The following GAN variants were observed in gnomAD, a reference collection of about 807,000 sequenced individuals.
The protein encoded by GAN is gigaxonin.
Under a neutral mutation model 71.3 loss-of-function variants are expected in GAN, and 48 were observed. The observed-to-expected ratio is 0.67, with a 90% CI of 0.53 to 0.86. The LOEUF (loss-of-function observed/expected upper bound fraction) is 0.86, where lower values mean the gene tolerates loss of function less well. Among genes scored for constraint, GAN ranks in the 40% least tolerant of loss-of-function variants. The pLI is 0.00. For synonymous variants in GAN, 386 were observed against 276.8 expected (o/e 1.39, Z -3.92); for missense variants, 928 against 770.1 (o/e 1.21, Z -2.43).
Position 81,354,735 on chromosome 16 carries a change from C to G in GAN, c.613C>G (p.His205Asp), listed in dbSNP as rs1326113785. The change falls in exon 3 of 11, where the codon CAT (histidine) becomes GAT (aspartate). Residue 205 changes from histidine to aspartate, a missense_variant. Physicochemically the swap from His to Asp is moderately conservative, Grantham distance 81. Transcript: ENST00000648994. ...TGAAGCAGTAATTCGATGGATAGCA[C>G]ATGATACAGAAATAAGAAAGGTACC... ...VFEAVIRWIAHDTEIRKVHMK... is the reference protein window; with the variant it reads ...VFEAVIRWIADDTEIRKVHMK... 8 of 1,592,022 alleles carry G rather than the reference C, an allele frequency of 5.0e-6. No homozygotes were observed. The highest frequency in any genetic ancestry group is 6.9e-6 in the Non-Finnish European group (8 of 1,159,956).
At chr16:81,376,530 T>A (rs1416364180) in intron 9 of GAN, among the ~76,000 whole-genome samples, 1 of 150,624 alleles carries the variant, frequency 6.6e-6, no homozygotes, top group African/African-American at 2.5e-5. Context: ...TGTATACATA[T>A]ATGTGTATAT....
chr16:81,357,665 C>A (rs1910535947), intron 4 of GAN, 145 bp from the exon 5 acceptor site: 5 of 746,652 alleles, frequency 6.7e-6, no homozygotes, highest in Admixed American at 1.9e-5. Context: ...AGTTCTAGAT[C>A]CCTGAGGAAT....
chr16:81,337,945 G>T (rs970799749), intron 1 of GAN, among the ~76,000 whole-genome samples: 3 of 151,872 alleles, frequency 2.0e-5, no homozygotes, highest in Admixed American at 1.3e-4. Context: ...GACTCACTAG[G>T]GTAGGTCTCA....
chr16:81,323,821 C>G (rs903058747), intron 1 of GAN, among the ~76,000 whole-genome samples: 5 of 152,158 alleles, frequency 3.3e-5, no homozygotes, highest in Non-Finnish European at 7.3e-5. Context: ...GGACTCCATC[C>G]TCTTGTGCTG....
chr16:81,369,016 T>G (rs927887711), intron 9 of GAN, among the ~76,000 whole-genome samples: 1 of 152,216 alleles, frequency 6.6e-6, no homozygotes, highest in Non-Finnish European at 1.5e-5. Context: ...CTTTCACATA[T>G]CGTATACTCC....
intron 9 of GAN, among the ~76,000 whole-genome samples, chr16:81,375,339 C>CTTTTTTTTTTTT (rs59775874): frequency 9.6e-6 from 1 of 104,122 alleles, no homozygotes; most frequent in Non-Finnish European, 1.8e-5. Flanking sequence ...TTTAATTTAT[C>CTTTTTTTTTTTT]TTTTTTTTTT....
chr16:81,352,429 G>C (rs140978428), intron 2 of GAN, among the ~76,000 whole-genome samples: 1 of 152,078 alleles, frequency 6.6e-6, no homozygotes, highest in Non-Finnish European at 1.5e-5. Flanking sequence ...TGTGAATCAG[G>C]GCTAGTTTTT....
intron 1 of GAN, among the ~76,000 whole-genome samples, chr16:81,344,953 G>A (rs1910067760): frequency 6.6e-6 from 1 of 152,104 alleles, no homozygotes; most frequent in East Asian, 1.9e-4. Flanking sequence ...GATATGAACA[G>A]TCACTTCTCA....
intron 5 of GAN, among the ~76,000 whole-genome samples, chr16:81,358,657 A>G (rs935830233): frequency 2.0e-5 from 3 of 152,126 alleles, no homozygotes; most frequent in Non-Finnish European, 4.4e-5. Context: ...AGGAAATGCT[A>G]CTTATATAGG....
intron 1 of GAN, among the ~76,000 whole-genome samples, chr16:81,331,895 G>A (rs913794301): frequency 6.6e-6 from 1 of 152,250 alleles, no homozygotes; most frequent in Admixed American, 6.5e-5. Flanking sequence ...GGGCGTGGTG[G>A]CTCATGCCTG....
Position 81,354,558 on chromosome 16 carries a change from C to G in GAN, c.436C>G (p.Leu146Val). ...GIRDFALHYC[L>V]HHVHYLATEY... ...CCGTGACTTTGCACTACATTACTGC[C>G]TCCATCACGTTCATTACCTTGCCAC... The change falls in exon 3 of 11, where the codon CTC (leucine) becomes GTC (valine). Residue 146 changes from leucine (L) to valine (V), a missense_variant. Transcript: ENST00000648994. 1 of 1,614,098 alleles carries G rather than the reference C, an allele frequency of 6.2e-7. No individual in the cohort carries two copies. The highest frequency in any genetic ancestry group is 8.5e-7 in the Non-Finnish European group (1 of 1,179,948).
intron 1 of GAN, among the ~76,000 whole-genome samples, chr16:81,341,534 G>C (rs1909942607): frequency 2.0e-5 from 3 of 152,128 alleles, no homozygotes; most frequent in Admixed American, 1.3e-4. Flanking sequence ...GCCAAACTAA[G>C]CTTCATAAGT....
rs745322033 is a variant in GAN, at chr16:81,315,089, C to A, written c.-25C>A. On this transcript the variant is annotated 5_prime_UTR_variant, in exon 1 of 11. Transcript: ENST00000648994. ...GCCGGACGGTGTCGGGAGCCGGACCCGTCGGCAGAGGAGCGGGCGCCGCGA... is the reference window on the plus strand; with the variant it reads ...GCCGGACGGTGTCGGGAGCCGGACCAGTCGGCAGAGGAGCGGGCGCCGCGA... 1 of 1,468,714 alleles carries A rather than the reference C, an allele frequency of 6.8e-7. No homozygotes were observed. 91.0% of individuals were successfully genotyped at this position (1,468,714 alleles called of 1,614,324 possible).
rs1467990278 is a variant in GAN, at chr16:81,381,578, A to G, written c.*3982A>G. ...GTCAGCCAACACATGTCTGATGAGC[A>G]CCCACTAGGAACTGTGCTTGCCATC... On this transcript the variant is annotated 3_prime_UTR_variant, in exon 11 of 11. Transcript: ENST00000648994. 6.6e-6 allele frequency: 1 copy of G among 152,222 alleles called. No individual in the cohort carries two copies. The highest frequency in any genetic ancestry group is 1.5e-5 in the Non-Finnish European group (1 of 68,104). The allele number at this position is 152,222 out of a possible 1,614,324, so 9.4% of individuals were successfully genotyped here.
chr16:81,339,456 T>C (rs976425695), intron 1 of GAN, among the ~76,000 whole-genome samples: 2 of 152,230 alleles, frequency 1.3e-5, no homozygotes, highest in Non-Finnish European at 2.9e-5. Flanking sequence ...AAGACCACTG[T>C]CAGCTTCAAG....
chr16:81,377,203 T>A lies in GAN; in HGVS notation c.1503-16T>A, dbSNP rs771082202. 1 of 1,442,476 alleles carries A rather than the reference T, an allele frequency of 6.9e-7. No individual in the cohort carries two copies. The highest frequency in any genetic ancestry group is 9.8e-7 in the Non-Finnish European group (1 of 1,023,328). 89.4% of individuals were successfully genotyped at this position (1,442,476 alleles called of 1,614,324 possible). On this transcript the variant is annotated splice_polypyrimidine_tract_variant and intron_variant, in intron 9 of 10. Coordinates refer to ENST00000648994, the MANE Select transcript of GAN (RefSeq NM_022041.4). ...CTTTTGATTTCCTTAATTTTGTGCA[T>A]GGGCTTTGTTTTCAGGTGGATCTAT...
At chr16:81,316,939 A>G (rs1597386406) in intron 1 of GAN, among the ~76,000 whole-genome samples, 2 of 152,040 alleles carry the variant, frequency 1.3e-5, no homozygotes, top group Admixed American at 6.5e-5. Context: ...GCCCACTGCA[A>G]CCTCCGCCTT....
At position 81,356,957 on chromosome 16, in the gene GAN, G is replaced by A. The variant is rs759581558; in HGVS notation, c.806G>A (p.Arg269Gln). The A allele has an allele frequency of 2.5e-6, 4 of 1,613,306 alleles. No homozygotes were observed. Among genetic ancestry groups the A allele is most frequent in the East Asian group, 2.2e-5 (1 of 44,894 alleles). ...GCGATGCTGGCCAACTTCAAACCCC[G>A]GGGCTACTCTGAGTGCATCGTGACT... is the stretch of plus-strand genomic sequence containing the variant. ...GEAMLANFKPRGYSECIVTVG... is the reference protein window; with the variant it reads ...GEAMLANFKPQGYSECIVTVG... Residue 269 changes from arginine (R) to glutamine (Q), a missense_variant, in exon 4 of 11, where the codon CGG becomes CAG. By Grantham distance (43) the Arg-to-Gln change is conservative. Transcript: ENST00000648994.
At position 81,354,395 on chromosome 16, in the gene GAN, A is replaced by G. The variant is rs759028377; in HGVS notation, c.283-10A>G. 8 of 1,557,706 alleles carry G rather than the reference A, an allele frequency of 5.1e-6. No homozygotes were observed. In the South Asian group the frequency reaches 7.8e-5, roughly 15 times the overall value. Reference sequence around the variant, plus strand: ...CATTCAAATATAAGATAATTATGCTACTTTTTTAGATCAGGCTAAATGAAG... The same window carrying G: ...CATTCAAATATAAGATAATTATGCTGCTTTTTTAGATCAGGCTAAATGAAG... On this transcript the variant is annotated splice_polypyrimidine_tract_variant and intron_variant, in intron 2 of 10. Coordinates refer to ENST00000648994, the MANE Select transcript of GAN (RefSeq NM_022041.4).
Sources: allele counts gnomAD v4.1 joint callset (sites outside exome capture counted in the v4.1 genomes callset), GRCh38; gene constraint gnomAD v4.1.1; transcripts MANE v1.5; gene names NCBI Gene and HGNC (gene_info 2026-07-23, HGNC 2026-07-21).